The following KCNMA1 variants were observed in gnomAD, a reference collection of about 807,000 sequenced individuals.
KCNMA1 encodes the protein Calcium-activated potassium channel subunit alpha-1.
KCNMA1 carries 29 observed loss-of-function variants against 140.0 expected under a neutral mutation model. The observed-to-expected ratio is 0.21, with a 90% CI of 0.15 to 0.28. The LOEUF (loss-of-function observed/expected upper bound fraction) is 0.28. Ranked by LOEUF, KCNMA1 falls within the 10% of genes least tolerant of loss-of-function variation. The pLI is 1.00. For missense variants in KCNMA1, 880 were observed against 1,602.2 expected, an observed-to-expected ratio of 0.55 and a Z score of 7.70; for synonymous variants, 612 against 611.9, an observed-to-expected ratio of 1.00 and a Z score of 0.00.
At chr10:77,582,611 C>T (rs1411667575) in intron 1 of KCNMA1, among the ~76,000 whole-genome samples, 1 of 152,192 alleles carries the variant, frequency 6.6e-6, no homozygotes, top group Non-Finnish European at 1.5e-5. Context: ...CCGGAAGTAG[C>T]CCCAACCTTG....
At chr10:77,595,249 C>A (rs527609632) in intron 1 of KCNMA1, among the ~76,000 whole-genome samples, 1 of 144,538 alleles carries the variant, frequency 6.9e-6, no homozygotes. Flanking sequence ...GGGGAGACTG[C>A]GGCCAGAGAA....
At chr10:77,543,512 TGAA>T (rs1335175238) in intron 1 of KCNMA1, among the ~76,000 whole-genome samples, 2 of 152,176 alleles carry the variant, frequency 1.3e-5, no homozygotes, top group Non-Finnish European at 2.9e-5. Flanking sequence ...ATTATGATGA[TGAA>T]GAACCTCTCT....
chr10:77,037,476 A>C lies in KCNMA1; in HGVS notation c.1859+2052T>G, dbSNP rs902069430. Reference sequence around the variant, plus strand: ...CGTGAGTCAAACATACCTAGTGACTATCCCAGTTAGAGCCTGTAGGGGGAG... The same window carrying C: ...CGTGAGTCAAACATACCTAGTGACTCTCCCAGTTAGAGCCTGTAGGGGGAG... On this transcript the variant is annotated intron_variant, in intron 15 of 27. Transcript: ENST00000286628. 5.9e-5 allele frequency among the ~76,000 whole-genome samples: 9 copies of C among 152,330 alleles called. 2 individuals carry two copies.
At chr10:77,227,964 ATTTT>A (rs10642363) in intron 3 of KCNMA1, among the ~76,000 whole-genome samples, 7 of 136,092 alleles carry the variant, frequency 5.1e-5, no homozygotes, top group Admixed American at 2.2e-4. Context: ...ATTTAATTTA[ATTTT>A]TTTTTTTTTT....
chr10:77,194,501 C>A (rs968858010), intron 3 of KCNMA1, among the ~76,000 whole-genome samples: 1 of 152,150 alleles, frequency 6.6e-6, no homozygotes, highest in Non-Finnish European at 1.5e-5. Context: ...ATGACCCTGG[C>A]AATGGCACCT....
rs535787681 is a variant in KCNMA1 at position 77,183,643 on chromosome 10, C to T, written c.697-111G>A. On this transcript the variant is annotated intron_variant, in intron 4 of 27. Transcript: ENST00000286628. Reference sequence around the variant, plus strand: ...GTTTTGAGTTTTCATAGGGCCACCACGCCCGGCTAATTTTTGTATTTTTAG... The same window carrying T: ...GTTTTGAGTTTTCATAGGGCCACCATGCCCGGCTAATTTTTGTATTTTTAG... The T allele has an allele frequency of 5.6e-5, 42 of 750,362 alleles. 1 individual carries two copies. Among genetic ancestry groups the T allele is most frequent in the Middle Eastern group, 2.3e-4 (1 of 4,360 alleles). 46.5% of individuals were successfully genotyped at this position (750,362 alleles called of 1,614,324 possible). A position where few individuals can be genotyped will look rare whatever the true frequency, so the allele number is the denominator to read the frequency against.
At chr10:77,626,990 TC>T (rs1486566382) in intron 1 of KCNMA1, among the ~76,000 whole-genome samples, 1 of 152,180 alleles carries the variant, frequency 6.6e-6, no homozygotes, top group African/African-American at 2.4e-5. Context: ...CCTCCTGCCC[TC>T]CCTCACCTTC....
chr10:77,617,094 T>A (rs1401999807), intron 1 of KCNMA1, among the ~76,000 whole-genome samples: 1 of 152,216 alleles, frequency 6.6e-6, no homozygotes, highest in Non-Finnish European at 1.5e-5. Flanking sequence ...ATTACTTATG[T>A]TACTACTCAC....
At chr10:77,026,759 T>A (rs888731350) in intron 16 of KCNMA1, among the ~76,000 whole-genome samples, 1 of 152,204 alleles carries the variant, frequency 6.6e-6, no homozygotes, top group African/African-American at 2.4e-5. Flanking sequence ...ATTGGATTGA[T>A]CTGTTTACAA....
chr10:77,340,726 G>A (rs2090638472), intron 2 of KCNMA1, among the ~76,000 whole-genome samples: 1 of 151,762 alleles, frequency 6.6e-6, no homozygotes, highest in Non-Finnish European at 1.5e-5. Context: ...TCGGGGGGAG[G>A]GGGCAGGGAT....
intron 20 of KCNMA1, 107 bp from the exon 21 acceptor site, chr10:76,954,031 G>A: frequency 2.4e-6 from 3 of 1,265,774 alleles, no homozygotes; most frequent in Non-Finnish European, 3.4e-6. Context: ...CAGAGGAAGT[G>A]GTTGTCACTG....
intron 25 of KCNMA1, among the ~76,000 whole-genome samples, chr10:76,899,832 A>C (rs16933995): frequency 1.3e-5 from 2 of 152,132 alleles, no homozygotes; most frequent in Non-Finnish European, 2.9e-5. Context: ...AGACATGAAT[A>C]TTGTGCTTTC....
At position 77,637,493 on chromosome 10, in the gene KCNMA1, A is replaced by C. The variant is rs2093884674; in HGVS notation, c.150T>G (p.Ser50=). 6.3e-7 allele frequency: 1 copy of C among 1,598,634 alleles called. No homozygotes were observed. The highest frequency in any genetic ancestry group is 1.1e-5 in the South Asian group (1 of 89,226). The part of the protein sequence containing the change: ...SSSSSSSSSS[S]SSSSSSSSSS... ...ACGAGGAGGAAGAGGAGGAGGAAGA[A>C]GAAGAAGAGGAAGAGGAGGAGGAGG... Residue 50 remains serine, a synonymous_variant, in exon 1 of 28, where the codon TCT becomes TCG. Transcript: ENST00000286628.
At chr10:77,319,935 AC>A (rs1204631450) in intron 2 of KCNMA1, among the ~76,000 whole-genome samples, 1 of 152,174 alleles carries the variant, frequency 6.6e-6, no homozygotes, top group Non-Finnish European at 1.5e-5. Flanking sequence ...GCTGTCTGTT[AC>A]TGTAGCAGAG....
chr10:77,529,459 C>T (rs2056985166), intron 1 of KCNMA1, among the ~76,000 whole-genome samples: 1 of 152,098 alleles, frequency 6.6e-6, no homozygotes, highest in African/African-American at 2.4e-5. Flanking sequence ...CTCCCCGGCA[C>T]CTACCCTTTG....
chr10:76,899,127 A>G (rs570823307), intron 25 of KCNMA1, among the ~76,000 whole-genome samples: 15 of 152,280 alleles, frequency 9.9e-5, no homozygotes, highest in Admixed American at 2.6e-4. Flanking sequence ...GTAATCATCT[A>G]TGAAGAGACA....
intron 14 of KCNMA1, among the ~76,000 whole-genome samples, chr10:77,059,239 C>G (rs1387696327): frequency 6.6e-6 from 1 of 151,682 alleles, no homozygotes; most frequent in African/African-American, 2.4e-5. Flanking sequence ...AAATCTAGGC[C>G]CAAACCTAGT....
At chr10:77,617,844 G>T (rs1232577845) in intron 1 of KCNMA1, among the ~76,000 whole-genome samples, 1 of 152,176 alleles carries the variant, frequency 6.6e-6, no homozygotes, top group Non-Finnish European at 1.5e-5. Flanking sequence ...CATGATAATG[G>T]TTCTGGCAGA....
At chr10:77,096,881 C>T (rs2096944878) in intron 9 of KCNMA1, among the ~76,000 whole-genome samples, 1 of 152,096 alleles carries the variant, frequency 6.6e-6, no homozygotes, top group Non-Finnish European at 1.5e-5. Context: ...CCTGCTCCTC[C>T]CAAAATGCAT....
Sources: allele counts gnomAD v4.1 joint callset (sites outside exome capture counted in the v4.1 genomes callset), GRCh38; gene constraint gnomAD v4.1.1; transcripts MANE v1.5; gene names NCBI Gene and HGNC (gene_info 2026-07-23, HGNC 2026-07-21).